CCR3: variants seen among roughly 807,000 people sequenced by gnomAD.
The protein encoded by CCR3 is C-C motif chemokine receptor 3.
For missense variants in CCR3, 419 were observed against 437.5 expected, an observed-to-expected ratio of 0.96 and a Z score of 0.38; for synonymous variants, 203 against 179.2, an observed-to-expected ratio of 1.13 and a Z score of -1.06.
intron 1 of CCR3, among the ~76,000 whole-genome samples, chr3:46,260,133 GA>G (rs1190448367): frequency 6.6e-6 from 1 of 152,108 alleles, no homozygotes; most frequent in Non-Finnish European, 1.5e-5. Context: ...AACAGTGCAG[GA>G]AAAACCCACC....
Position 46,243,605 on chromosome 3 carries a change from C to T in CCR3, c.-12+1067C>T, listed in dbSNP as rs1180536224. Among the ~76,000 whole-genome samples, 7 of 152,086 alleles carry T rather than the reference C, an allele frequency of 4.6e-5. No homozygotes were observed. In the East Asian group the frequency reaches 1.3e-3, roughly 29 times the overall value. On this transcript the variant is annotated intron_variant, in intron 1 of 1. Coordinates refer to ENST00000395940, the MANE Select transcript of CCR3 (RefSeq NM_178329.3). ...GGATGAGTGTTAACTTTGACAAGTA[C>T]TTCAAGTGAGAGTGGTGGGAATAAG... is the stretch of plus-strand genomic sequence containing the variant.
At chr3:46,218,957 A>G (rs1254002764) in intron 2 of CCR3, among the ~76,000 whole-genome samples, 1 of 152,164 alleles carries the variant, frequency 6.6e-6, no homozygotes, top group Non-Finnish European at 1.5e-5. Context: ...TATTCAGCAT[A>G]TTACTGGAAG....
At chr3:46,235,538 C>A (rs1053112335) in intron 2 of CCR3, among the ~76,000 whole-genome samples, 4 of 152,138 alleles carry the variant, frequency 2.6e-5, no homozygotes, top group Non-Finnish European at 5.9e-5. Flanking sequence ...GGAGTCCATT[C>A]TTTCTAAGCA....
At chr3:46,241,095 C>T (rs1239331574), upstream of CCR3, among the ~76,000 whole-genome samples, 2 of 151,732 alleles carry the variant, frequency 1.3e-5, no homozygotes, top group African/African-American at 2.4e-5. Context: ...GAGCCCCTTC[C>T]TCCCTTTCTT....
chr3:46,239,521 G>C (rs893362308), upstream of CCR3, among the ~76,000 whole-genome samples: 1 of 152,180 alleles, frequency 6.6e-6, no homozygotes, highest in Non-Finnish European at 1.5e-5. Flanking sequence ...AGCCATAAAT[G>C]GGCGAGGTGA....
chr3:46,264,141 C>T (rs1700575594), intron 1 of CCR3: 1 of 429,872 alleles, frequency 2.3e-6, no homozygotes, highest in South Asian at 2.5e-5. Flanking sequence ...GGCCTTAGGG[C>T]TCCTGGCCTA....
intron 1 of CCR3, among the ~76,000 whole-genome samples, chr3:46,260,606 G>T (rs1453454915): frequency 1.3e-5 from 2 of 152,190 alleles, no homozygotes; most frequent in Non-Finnish European, 2.9e-5. Flanking sequence ...TTGCATCCAG[G>T]TTATGCAGAT....
At chr3:46,246,788 G>A (rs868766875) in intron 1 of CCR3, among the ~76,000 whole-genome samples, 7 of 152,192 alleles carry the variant, frequency 4.6e-5, no homozygotes, top group African/African-American at 1.7e-4. Context: ...TTGGGGTGGC[G>A]AAAATTTTTG....
At chr3:46,223,065 C>G (rs951690336) in intron 2 of CCR3, among the ~76,000 whole-genome samples, 2 of 152,190 alleles carry the variant, frequency 1.3e-5, no homozygotes, top group Admixed American at 1.3e-4. Context: ...TTTTAAAACT[C>G]TTTTGAGGCC....
At chr3:46,228,552 G>A (rs370494839) in intron 2 of CCR3, among the ~76,000 whole-genome samples, 1 of 152,068 alleles carries the variant, frequency 6.6e-6, no homozygotes, top group Non-Finnish European at 1.5e-5. Context: ...TAATCTTCAC[G>A]TTCTTGGTAC....
chr3:46,221,385 G>A (rs981508936), intron 2 of CCR3, among the ~76,000 whole-genome samples: 1 of 152,244 alleles, frequency 6.6e-6, no homozygotes, highest in Non-Finnish European at 1.5e-5. Flanking sequence ...TTTGGTTTCA[G>A]CAGAAATAGC....
intron 2 of CCR3, among the ~76,000 whole-genome samples, chr3:46,222,355 G>A (rs1699847119): frequency 6.6e-6 from 1 of 152,184 alleles, no homozygotes; most frequent in African/African-American, 2.4e-5. Context: ...AGAAGTTACA[G>A]GGGCTGACAG....
chr3:46,263,862 C>A (rs574578780), intron 1 of CCR3: 1 of 153,728 alleles, frequency 6.5e-6, no homozygotes, highest in Admixed American at 6.5e-5. Flanking sequence ...CCTCAGTATT[C>A]GATCAATTAT....
upstream of CCR3, among the ~76,000 whole-genome samples, chr3:46,239,525 G>A (rs541620575): frequency 2.6e-5 from 4 of 152,172 alleles, no homozygotes; most frequent in Non-Finnish European, 4.4e-5. Context: ...ATAAATGGGC[G>A]AGGTGAACCC....
intron 2 of CCR3, among the ~76,000 whole-genome samples, chr3:46,214,767 T>G (rs375821865): frequency 1.3e-5 from 2 of 152,134 alleles, no homozygotes; most frequent in East Asian, 3.9e-4. Flanking sequence ...TGCAGGGCAG[T>G]GTGGATGATG....
intron 1 of CCR3, among the ~76,000 whole-genome samples, chr3:46,247,749 A>G (rs1264167199): frequency 2.6e-5 from 4 of 152,128 alleles, no homozygotes; most frequent in Non-Finnish European, 5.9e-5. Flanking sequence ...GAAAGTGTCT[A>G]CTTAGACTAA....
At chr3:46,237,229 A>G (rs1700034533) in intron 2 of CCR3, among the ~76,000 whole-genome samples, 1 of 152,162 alleles carries the variant, frequency 6.6e-6, no homozygotes, top group African/African-American at 2.4e-5. Flanking sequence ...TTGTAAAAAT[A>G]CCCAATAATG....
At chr3:46,216,326 A>G (rs577012635) in intron 2 of CCR3, among the ~76,000 whole-genome samples, 1 of 152,310 alleles carries the variant, frequency 6.6e-6, no homozygotes, top group South Asian at 2.1e-4. Flanking sequence ...CACACTGCAC[A>G]CATTGGGTGA....
intron 2 of CCR3, among the ~76,000 whole-genome samples, chr3:46,230,431 C>G (rs1403850176): frequency 6.6e-6 from 1 of 152,118 alleles, no homozygotes; most frequent in Non-Finnish European, 1.5e-5. Context: ...TGTAACCCCT[C>G]ATGCCACATC....
Sources: gnomAD v4.1 joint callset for allele counts (sites outside exome capture counted in the v4.1 genomes callset) on GRCh38, gnomAD v4.1.1 for gene constraint, MANE v1.5 for transcripts, NCBI Gene and HGNC (gene_info 2026-07-23, HGNC 2026-07-21) for gene names.